Variants in SMOC2 observed in about 807,000 individuals in gnomAD.
SMOC2 encodes SPARC related modular calcium binding 2.
In SMOC2, 39 loss-of-function variants were observed where a neutral mutation model predicts 61.4. That is an observed-to-expected ratio of 0.64 (90% confidence interval 0.49 to 0.83). The LOEUF (loss-of-function observed/expected upper bound fraction) is 0.83, where lower values mean the gene tolerates loss of function less well. SMOC2 is among the 40% of genes least tolerant of loss of function. The pLI is 0.00. For missense variants in SMOC2, 556 were observed against 592.9 expected (o/e 0.94, Z 0.65); for synonymous variants, 247 against 239.9 (o/e 1.03, Z -0.27).
chr6:168,633,554 G>T (rs1456140557), intron 9 of SMOC2, among the ~76,000 whole-genome samples: 1 of 151,970 alleles, frequency 6.6e-6, no homozygotes, highest in Admixed American at 6.6e-5. Flanking sequence ...AATAATTTAA[G>T]AATTACCCCA....
At chr6:168,635,870 C>CAAA (rs373754531) in intron 9 of SMOC2, among the ~76,000 whole-genome samples, 60,894 of 136,278 alleles carry the variant, frequency 0.45, 14,087 homozygotes, top group Non-Finnish European at 0.54. Context: ...GACTCTGTCT[C>CAAA]AAAAAAAAAA....
At chr6:168,513,558 T>C (rs1366510683) in intron 2 of SMOC2, among the ~76,000 whole-genome samples, 1 of 152,186 alleles carries the variant, frequency 6.6e-6, no homozygotes, top group Non-Finnish European at 1.5e-5. Context: ...ACAACTGATA[T>C]TTACTAAGCA....
chr6:168,573,787 G>A (rs928380527), intron 7 of SMOC2, among the ~76,000 whole-genome samples: 11 of 152,120 alleles, frequency 7.2e-5, no homozygotes, highest in South Asian at 2.1e-4. Flanking sequence ...AGGTGCCCCC[G>A]ACGTGGGGGC....
At chr6:168,507,752 A>G (rs944632964) in intron 1 of SMOC2, among the ~76,000 whole-genome samples, 2 of 152,274 alleles carry the variant, frequency 1.3e-5, no homozygotes, top group African/African-American at 2.4e-5. Flanking sequence ...CTGAAAGGCA[A>G]TGATCTGTTT....
At chr6:168,532,666 G>T (rs1329200469) in intron 4 of SMOC2, among the ~76,000 whole-genome samples, 4 of 152,174 alleles carry the variant, frequency 2.6e-5, no homozygotes, top group Non-Finnish European at 5.9e-5. Flanking sequence ...CTACATGCAA[G>T]ATTTTTTAAT....
At position 168,626,401 on chromosome 6, in the gene SMOC2, G is replaced by A. The variant is rs561719246; in HGVS notation, c.907+18162G>A. Reference sequence around the variant, plus strand: ...TGCGAGATTTCTGCAGGCACAGCTCGGATTACTTGAGGTCGTCCAGAGAAG... The same window carrying A: ...TGCGAGATTTCTGCAGGCACAGCTCAGATTACTTGAGGTCGTCCAGAGAAG... On this transcript the variant is annotated intron_variant, in intron 9 of 12. Coordinates refer to ENST00000356284, the MANE Select transcript of SMOC2 (RefSeq NM_001166412.2). Among the ~76,000 whole-genome samples, 13 of 152,278 alleles carry A rather than the reference G, an allele frequency of 8.5e-5. No individual in the cohort carries two copies. In the South Asian group the frequency reaches 2.7e-3, roughly 32 times the overall value.
intron 1 of SMOC2, among the ~76,000 whole-genome samples, chr6:168,486,902 C>T (rs957439368): frequency 5.3e-5 from 8 of 152,074 alleles, no homozygotes; most frequent in African/African-American, 1.9e-4. Flanking sequence ...AATCATAAAC[C>T]AACGCATTAG....
At chr6:168,532,912 G>A (rs770518847) in intron 4 of SMOC2, among the ~76,000 whole-genome samples, 1 of 152,220 alleles carries the variant, frequency 6.6e-6, no homozygotes, top group Non-Finnish European at 1.5e-5. Context: ...TGACACAGCT[G>A]TGTCTGGCGT....
chr6:168,525,579 G>T (rs1023600777), intron 2 of SMOC2, among the ~76,000 whole-genome samples: 5 of 152,174 alleles, frequency 3.3e-5, no homozygotes, highest in Admixed American at 6.5e-5. Flanking sequence ...CATCCTTGGG[G>T]TGTCTTCTTA....
intron 9 of SMOC2, among the ~76,000 whole-genome samples, chr6:168,638,038 TCCCTGGCCAGTCCCTGCCCTGC>T (rs1176829348): frequency 8.0e-6 from 1 of 125,186 alleles, no homozygotes; most frequent in Admixed American, 9.2e-5. Context: ...ATCTGCGCAC[TCCCTGGCCAGTCCCTGCCCTGC>T]CCCTGCCCCA....
chr6:168,476,478 GTGTA>G (rs551840925), intron 1 of SMOC2, among the ~76,000 whole-genome samples: 3 of 134,534 alleles, frequency 2.2e-5, no homozygotes, highest in African/African-American at 1.0e-4. Context: ...GTGTGTGTGT[GTGTA>G]TGTGTGTGTG....
chr6:168,461,741 G>C (rs1014078294), intron 1 of SMOC2, among the ~76,000 whole-genome samples: 1 of 152,164 alleles, frequency 6.6e-6, no homozygotes, highest in African/African-American at 2.4e-5. Context: ...TTGATAAGCT[G>C]AATACCCATG....
At chr6:168,665,818 A>G (rs1309175685) in intron 12 of SMOC2, among the ~76,000 whole-genome samples, 1 of 152,234 alleles carries the variant, frequency 6.6e-6, no homozygotes, top group Non-Finnish European at 1.5e-5. Context: ...TTAAAATTTA[A>G]TTATTTGAAA....
At chr6:168,653,642 C>T (rs984279602) in intron 11 of SMOC2, among the ~76,000 whole-genome samples, 2 of 133,796 alleles carry the variant, frequency 1.5e-5, no homozygotes, top group Non-Finnish European at 3.3e-5. Context: ...GTTAGGAACT[C>T]ACCAACCCTC....
chr6:168,592,267 G>A (rs983263650), intron 7 of SMOC2, among the ~76,000 whole-genome samples: 7 of 151,174 alleles, frequency 4.6e-5, no homozygotes, highest in African/African-American at 1.7e-4. Flanking sequence ...AAGGCCTCAC[G>A]GGCATCTTTC....
intron 11 of SMOC2, among the ~76,000 whole-genome samples, chr6:168,655,868 T>C (rs568203678): frequency 6.6e-6 from 1 of 152,182 alleles, no homozygotes; most frequent in East Asian, 1.9e-4. Flanking sequence ...CCCTTGCATG[T>C]GTGAGCTAGA....
chr6:168,502,608 A>G (rs961110710), intron 1 of SMOC2, among the ~76,000 whole-genome samples: 4 of 152,336 alleles, frequency 2.6e-5, no homozygotes, highest in Admixed American at 2.0e-4. Flanking sequence ...GATGGGACCT[A>G]CATTATCACC....
In SMOC2 at chr6:168,608,202, C is replaced by G; in HGVS notation, c.870C>G (p.Ala290=). The G allele has an allele frequency of 1.2e-6, 2 of 1,613,798 alleles. No individual in the cohort carries two copies. Among genetic ancestry groups the G allele is most frequent in the Non-Finnish European group, 1.7e-6 (2 of 1,179,934 alleles). ...ACAACACGGCCAGGGCCCACCCAGC[C>G]AAAGCCCGGGACCTGTACAAGGGCC... The part of the protein sequence containing the change: ...KCDNTARAHP[A]KARDLYKGRQ... The change falls in exon 9 of 13, where the codon GCC becomes GCG. Residue 290 remains alanine, a synonymous_variant. Transcript: ENST00000356284.
chr6:168,655,987 C>G (rs1787313571), intron 11 of SMOC2, among the ~76,000 whole-genome samples: 1 of 152,172 alleles, frequency 6.6e-6, no homozygotes, highest in South Asian at 2.1e-4. Context: ...TACACGTGTA[C>G]TGGATCCCAC....
Sources: allele counts gnomAD v4.1 joint callset (sites outside exome capture counted in the v4.1 genomes callset), GRCh38; gene constraint gnomAD v4.1.1; transcripts MANE v1.5; gene names NCBI Gene and HGNC (gene_info 2026-07-23, HGNC 2026-07-21).